Variants in VSTM4 observed in about 807,000 individuals in gnomAD.
The protein encoded by VSTM4 is V-set and transmembrane domain containing 4.
VSTM4 carries 20 observed loss-of-function variants against 36.4 expected under a neutral mutation model. That is an observed-to-expected ratio of 0.55 (90% CI 0.39 to 0.80). The LOEUF (loss-of-function observed/expected upper bound fraction) is 0.80, where lower values mean the gene tolerates loss of function less well. Ranked by LOEUF, VSTM4 falls within the 30% of genes least tolerant of loss-of-function variation. VSTM4 has a pLI of 0.00. For missense variants in VSTM4, 392 were observed against 404.5 expected (o/e 0.97, Z 0.26); for synonymous variants, 182 against 173.9 (o/e 1.05, Z -0.37).
intron 2 of VSTM4, among the ~76,000 whole-genome samples, chr10:49,091,918 G>A (rs1266518708): frequency 6.6e-6 from 1 of 152,246 alleles, no homozygotes; most frequent in African/African-American, 2.4e-5. Context: ...GACACGGAAA[G>A]CCTTCCAGAA....
intron 7 of VSTM4, among the ~76,000 whole-genome samples, chr10:49,027,758 T>C (rs1843285707): frequency 6.6e-6 from 1 of 152,258 alleles, no homozygotes; most frequent in African/African-American, 2.4e-5. Context: ...TTTATCCCAG[T>C]TGTTGCAAGC....
intron 4 of VSTM4, among the ~76,000 whole-genome samples, chr10:49,066,298 A>G (rs1269893281): frequency 1.3e-5 from 2 of 152,262 alleles, no homozygotes; most frequent in African/African-American, 4.8e-5. Context: ...GAATTAATGT[A>G]AAATACTAAT....
At chr10:49,108,020 AG>A in intron 1 of VSTM4, 25 bp from the exon 2 acceptor site, 2 of 1,528,636 alleles carry the variant, frequency 1.3e-6, no homozygotes, top group Non-Finnish European at 8.8e-7. Flanking sequence ...GGGAGAAGAG[AG>A]GATGAGGAGG....
intron 5 of VSTM4, among the ~76,000 whole-genome samples, chr10:49,052,433 ATT>A (rs372235532): frequency 4.2e-5 from 6 of 143,596 alleles, no homozygotes; most frequent in Admixed American, 6.9e-5. Context: ...TTGATTTAGG[ATT>A]TTTTTTTTTT....
intron 3 of VSTM4, among the ~76,000 whole-genome samples, chr10:49,082,975 G>A (rs1256730774): frequency 6.6e-6 from 1 of 152,162 alleles, no homozygotes; most frequent in East Asian, 1.9e-4. Flanking sequence ...GCCCCACCAA[G>A]CCAGGGCCAG....
chr10:49,062,373 T>C (rs191036656), intron 5 of VSTM4, among the ~76,000 whole-genome samples: 4 of 152,268 alleles, frequency 2.6e-5, no homozygotes, highest in Admixed American at 2.6e-4. Context: ...TGACAATCTC[T>C]TTTAGCTTTC....
Position 49,082,690 on chromosome 10 carries a change from GA to G in VSTM4, c.526+3264del, listed in dbSNP as rs796460458. On this transcript the variant is annotated intron_variant, in intron 3 of 7. Coordinates refer to ENST00000332853, the MANE Select transcript of VSTM4 (RefSeq NM_001031746.5). ...AACTCCATCAAAAACAAAAGGAAAA[GA>G]AAAAAAAACACATATAGCTGCACAC... Among the ~76,000 whole-genome samples, 7 of 150,388 alleles carry G rather than the reference GA, an allele frequency of 4.7e-5. No individual in the cohort carries two copies. The East Asian group carries it at 5.9e-4, about 13-fold the overall frequency.
At chr10:49,034,121 T>A (rs567551254) in intron 7 of VSTM4, among the ~76,000 whole-genome samples, 17 of 151,790 alleles carry the variant, frequency 1.1e-4, no homozygotes, top group Non-Finnish European at 2.4e-4. Context: ...ATTATTACCA[T>A]CACTACCACC....
At position 49,018,146 on chromosome 10, in the gene VSTM4, A is replaced by G. The variant is rs1363113154; in HGVS notation, c.*1504T>C. Reference sequence around the variant, plus strand: ...CATGAGTCTTTGGGAACATTACTGTAGGGCTAAGTTGGTGGACAAATATTT... The same window carrying G: ...CATGAGTCTTTGGGAACATTACTGTGGGGCTAAGTTGGTGGACAAATATTT... On this transcript the variant is annotated 3_prime_UTR_variant, in exon 8 of 8. Transcript: ENST00000332853. 3.3e-5 allele frequency: 5 copies of G among 152,364 alleles called. No individual in the cohort carries two copies. The East Asian group carries it at 9.6e-4, about 29-fold the overall frequency. The allele number at this position is 152,364 out of a possible 1,614,324, so 9.4% of individuals were successfully genotyped here.
In VSTM4 at chr10:49,015,904, T is replaced by C. The variant is rs1843098897; in HGVS notation, c.*3746A>G. The C allele has an allele frequency of 1.3e-5, 2 of 152,338 alleles. No individual in the cohort carries two copies. The highest frequency in any genetic ancestry group is 1.3e-4 in the Admixed American group (2 of 15,286). The allele number at this position is 152,338 out of a possible 1,614,324, so 9.4% of individuals were successfully genotyped here. ...GCCCCTCAGTCCTCCTCTGGTCCTG[T>C]TGGTGTCCCTCTCCAAATCTGAGGC... On this transcript the variant is annotated 3_prime_UTR_variant, in exon 8 of 8. Coordinates refer to ENST00000332853, the MANE Select transcript of VSTM4 (RefSeq NM_001031746.5).
intron 3 of VSTM4, among the ~76,000 whole-genome samples, chr10:49,077,581 A>G (rs1470720754): frequency 6.6e-6 from 1 of 152,228 alleles, no homozygotes; most frequent in African/African-American, 2.4e-5. Flanking sequence ...CAGTTTCTTC[A>G]ATCAATGGTG....
chr10:49,108,551 A>C (rs868741144), intron 1 of VSTM4, among the ~76,000 whole-genome samples: 1 of 152,134 alleles, frequency 6.6e-6, no homozygotes, highest in South Asian at 2.1e-4. Flanking sequence ...CGCTATTTCA[A>C]CTGTACCCAG....
At chr10:49,052,280 C>CCAAA in intron 5 of VSTM4, among the ~76,000 whole-genome samples, 1 of 152,134 alleles carries the variant, frequency 6.6e-6, no homozygotes, top group East Asian at 1.9e-4. Context: ...CACCACTTGT[C>CCAAA]AATTTTTTTA....
At chr10:49,114,664 G>T (rs1844958010) in intron 1 of VSTM4, among the ~76,000 whole-genome samples, 2 of 151,706 alleles carry the variant, frequency 1.3e-5, no homozygotes, top group African/African-American at 4.9e-5. Context: ...AATGAGATAG[G>T]CCCAGATAGG....
intron 5 of VSTM4, among the ~76,000 whole-genome samples, chr10:49,053,822 T>C (rs1022079208): frequency 6.6e-6 from 1 of 152,172 alleles, no homozygotes; most frequent in Non-Finnish European, 1.5e-5. Context: ...AATAGAGCAG[T>C]GCTGGAAAGC....
At chr10:49,091,045 T>C (rs1187813997) in intron 2 of VSTM4, among the ~76,000 whole-genome samples, 1 of 152,048 alleles carries the variant, frequency 6.6e-6, no homozygotes, top group Non-Finnish European at 1.5e-5. Context: ...TTCAGGGAAG[T>C]AGAAGGAAGC....
chr10:49,078,051 C>A (rs1008301916), intron 3 of VSTM4, among the ~76,000 whole-genome samples: 8 of 151,894 alleles, frequency 5.3e-5, no homozygotes, highest in Admixed American at 4.6e-4. Flanking sequence ...CAAACAATCC[C>A]ATGAGAAAAT....
intron 5 of VSTM4, among the ~76,000 whole-genome samples, chr10:49,060,204 A>C (rs931827369): frequency 3.3e-5 from 5 of 152,220 alleles, no homozygotes; most frequent in African/African-American, 4.8e-5. Context: ...ATATGCTTTC[A>C]GTTCTCTTGG....
intron 5 of VSTM4, among the ~76,000 whole-genome samples, chr10:49,059,147 G>T (rs181023622): frequency 6.6e-6 from 1 of 152,184 alleles, no homozygotes. Context: ...GGTTCTAATC[G>T]GGAAAATGAA....
Sources: gnomAD v4.1 joint callset for allele counts (sites outside exome capture counted in the v4.1 genomes callset) on GRCh38, gnomAD v4.1.1 for gene constraint, MANE v1.5 for transcripts, NCBI Gene and HGNC (gene_info 2026-07-23, HGNC 2026-07-21) for gene names.